USP34: variants seen among roughly 807,000 people sequenced by gnomAD.
USP34 encodes the protein ubiquitin specific peptidase 34.
A neutral mutation model predicts 460.3 loss-of-function variants in USP34; 70 were observed. The observed-to-expected ratio is 0.15, with a 90% CI of 0.13 to 0.19. USP34 has a LOEUF of 0.19. USP34 is among the 10% of genes least tolerant of loss of function. The pLI is 1.00. For synonymous variants in USP34, 1,647 were observed against 1,405.3 expected (o/e 1.17, Z -3.85); for missense variants, 3,985 against 4,236.2 (o/e 0.94, Z 1.65).
chr2:61,439,072 GCT>G (rs1326090196), intron 1 of USP34, among the ~76,000 whole-genome samples: 1 of 152,148 alleles, frequency 6.6e-6, no homozygotes, highest in Non-Finnish European at 1.5e-5. Flanking sequence ...ATTTACAATA[GCT>G]AGGAAAAAAG....
At chr2:61,410,866 C>T (rs1694015420) in intron 2 of USP34, among the ~76,000 whole-genome samples, 2 of 151,996 alleles carry the variant, frequency 1.3e-5, no homozygotes, top group South Asian at 4.2e-4. Context: ...AAAATCAACC[C>T]CACAGAACAC....
intron 64 of USP34, 75 bp from the exon 65 acceptor site, chr2:61,222,738 C>G: frequency 7.1e-7 from 1 of 1,408,090 alleles, no homozygotes; most frequent in Non-Finnish European, 9.9e-7. Flanking sequence ...GCTATGTCAC[C>G]CAGGCTGGGA....
At chr2:61,247,259 G>C (rs1188788899) in intron 49 of USP34, among the ~76,000 whole-genome samples, 2 of 152,174 alleles carry the variant, frequency 1.3e-5, no homozygotes, top group African/African-American at 4.8e-5. Flanking sequence ...ATAAGGAAAT[G>C]ATGAGATCTG....
intron 1 of USP34, among the ~76,000 whole-genome samples, chr2:61,440,320 T>G (rs1251901880): frequency 6.6e-6 from 1 of 152,068 alleles, no homozygotes; most frequent in Non-Finnish European, 1.5e-5. Flanking sequence ...GTGGTCCTGC[T>G]GGAGGATGTG....
At chr2:61,369,621 C>A (rs773885666) in intron 10 of USP34, among the ~76,000 whole-genome samples, 1 of 106,720 alleles carries the variant, frequency 9.4e-6, no homozygotes, top group Non-Finnish European at 1.7e-5. Context: ...CCAGCCTGGG[C>A]TACAAAGCAA....
rs755588750 is a variant in USP34 at position 61,311,621 on chromosome 2, C to T, written c.3736G>A (p.Glu1246Lys). The T allele has an allele frequency of 1.4e-5, 23 of 1,613,474 alleles. No individual in the cohort carries two copies. The highest frequency in any genetic ancestry group is 2.2e-5 in the East Asian group (1 of 44,848). ...DLRAEVTHWY[E>K]NLQKEQINQQ... is the part of the protein sequence containing the mutation. ...TTTATTTGTTCTTTCTGTAAATTTT[C>T]ATACCAATGAGTTACTTCAGCCCTA... The change falls in exon 27 of 80, where the codon GAA (glutamate) becomes AAA (lysine). Residue 1246 changes from glutamate (E) to lysine (K), a missense_variant. By Grantham distance (56) the Glu-to-Lys change is moderately conservative. Around this residue, in one of 14 missense-constraint regions of USP34, gnomAD observed 1,114 missense variants for 1,122.5 expected, o/e 0.99. Transcript: ENST00000398571.
chr2:61,214,687 A>C lies in USP34; in HGVS notation c.8055T>G (p.Ala2685=), dbSNP rs1687352011. ...HNYPRVRTSA[A]YLLVSLIPSN... ...TTGGTATAAGGGACACCAGAAGATA[A>C]GCTGCAGCTATAAAATGTAAAACAA... Residue 2685 remains alanine (A), a synonymous_variant, in exon 68 of 80, where the codon GCT becomes GCG. Transcript: ENST00000398571. 1.2e-6 allele frequency: 2 copies of C among 1,613,584 alleles called. No individual in the cohort carries two copies. Among genetic ancestry groups the C allele is most frequent in the East Asian group, 2.2e-5 (1 of 44,890 alleles).
chr2:61,301,759 T>C (rs535851869), intron 27 of USP34, among the ~76,000 whole-genome samples: 30 of 152,326 alleles, frequency 2.0e-4, no homozygotes, highest in African/African-American at 7.0e-4. Flanking sequence ...CTAAGATTTC[T>C]CTCCAGGAAT....
chr2:61,443,136 G>C (rs573124781), intron 1 of USP34, among the ~76,000 whole-genome samples: 21 of 152,150 alleles, frequency 1.4e-4, no homozygotes, highest in Non-Finnish European at 1.8e-4. Flanking sequence ...AGGTGGAAAG[G>C]ACAGGGGAAA....
intron 27 of USP34, among the ~76,000 whole-genome samples, chr2:61,309,589 G>A (rs1436331393): frequency 6.6e-6 from 1 of 152,098 alleles, no homozygotes; most frequent in Non-Finnish European, 1.5e-5. Context: ...ATTTGTACTT[G>A]GATTGTCTTT....
rs180973424 is a variant in USP34, at chr2:61,213,912, T to C, written c.8682+148A>G. On this transcript the variant is annotated intron_variant, in intron 68 of 79. Coordinates refer to ENST00000398571, the MANE Select transcript of USP34 (RefSeq NM_014709.4). ...TTTTATAACAACACAGCATTTTATA[T>C]ATGTATTTAAGAAAACAAATACACA... The C allele has an allele frequency of 2.1e-5, 20 of 966,106 alleles. No homozygotes were observed. The South Asian group carries it at 3.0e-4, about 15-fold the overall frequency. 59.8% of individuals were successfully genotyped at this position (966,106 alleles called of 1,614,324 possible). A position where few individuals can be genotyped will look rare whatever the true frequency, so the allele number is the denominator to read the frequency against.
intron 66 of USP34, among the ~76,000 whole-genome samples, chr2:61,220,717 A>G (rs542061346): frequency 3.9e-5 from 6 of 152,354 alleles, no homozygotes; most frequent in South Asian, 2.1e-4. Context: ...TGAGAACTCC[A>G]TAACTTCTAG....
chr2:61,343,947 C>A lies in USP34; in HGVS notation c.2368G>T (p.Ala790Ser), dbSNP rs757412115. ...CCAGATTCTTCACCATCAAAATCAG[C>A]CATATTTTTTTCTGATTTTGCACTA... ...QVSAKSEKNMADFDGEESGCE... is the reference protein window; with the variant it reads ...QVSAKSEKNMSDFDGEESGCE... The change falls in exon 16 of 80, where the codon GCT (alanine) becomes TCT (serine). Residue 790 changes from alanine to serine, a missense_variant. This residue lies in a region of USP34 where 716 missense variants were observed against 626.2 expected (regional missense o/e 1.14). Transcript: ENST00000398571. 6.2e-7 allele frequency: 1 copy of A among 1,613,928 alleles called. No homozygotes were observed. The highest frequency in any genetic ancestry group is 8.5e-7 in the Non-Finnish European group (1 of 1,179,916).
intron 51 of USP34, among the ~76,000 whole-genome samples, chr2:61,242,118 G>C (rs1688280521): frequency 1.3e-5 from 2 of 152,140 alleles, no homozygotes; most frequent in Non-Finnish European, 2.9e-5. Context: ...AGGCAAGAAA[G>C]TAGTTGGCCT....
chr2:61,307,916 G>T (rs1690463577), intron 27 of USP34, among the ~76,000 whole-genome samples: 1 of 152,074 alleles, frequency 6.6e-6, no homozygotes. Flanking sequence ...GGGCATGATG[G>T]CCGGCACCTG....
At chr2:61,376,079 C>T (rs1383814830) in intron 8 of USP34, among the ~76,000 whole-genome samples, 1 of 151,550 alleles carries the variant, frequency 6.6e-6, no homozygotes, top group East Asian at 1.9e-4. Flanking sequence ...TACAAATGGG[C>T]AAAAGACATC....
intron 8 of USP34, 108 bp downstream of exon 8, chr2:61,378,255 G>T: frequency 1.3e-6 from 1 of 773,486 alleles, no homozygotes; most frequent in Non-Finnish European, 2.1e-6. Flanking sequence ...AATGTCAAAG[G>T]GCAAAGAATT....
rs7558415 is a variant in USP34 at position 61,416,805 on chromosome 2, C to T, written c.131+3941G>A. ...AAACAAACATGTGTTATTAACCTCC[C>T]TAATCTTTTTTTTTTTGGGGGGGGG... On this transcript the variant is annotated intron_variant, in intron 2 of 79. Transcript: ENST00000398571. 3,264 of 417,152 alleles carry T rather than the reference C, an allele frequency of 7.8e-3. 126 individuals are homozygous for T. Among genetic ancestry groups the T allele is most frequent in the African/African-American group, 0.069 (2,865 of 41,746 alleles). 25.8% of individuals were successfully genotyped at this position (417,152 alleles called of 1,614,324 possible). A position where few individuals can be genotyped will look rare whatever the true frequency, so the allele number is the denominator to read the frequency against.
chr2:61,216,858 C>A (rs551432527), intron 67 of USP34, among the ~76,000 whole-genome samples: 1 of 150,740 alleles, frequency 6.6e-6, no homozygotes, highest in Non-Finnish European at 1.5e-5. Context: ...GTGGAGGCTG[C>A]AGTGAGCTGA....
Sources: allele counts gnomAD v4.1 joint callset (sites outside exome capture counted in the v4.1 genomes callset), GRCh38; gene constraint gnomAD v4.1.1; regional missense constraint gnomAD v4.1.1; transcripts MANE v1.5; gene names NCBI Gene and HGNC (gene_info 2026-07-23, HGNC 2026-07-21).